MYRIP: variants seen among roughly 807,000 people sequenced by gnomAD.
MYRIP encodes myosin VIIA and Rab interacting protein.
Under a neutral mutation model 98.0 loss-of-function variants are expected in MYRIP, and 49 were observed. The ratio of observed to expected loss-of-function variants is 0.50; its 90% CI spans 0.40 to 0.63. MYRIP has a LOEUF of 0.63. MYRIP is among the 30% of genes least tolerant of loss of function. The pLI is 0.00. For synonymous variants in MYRIP, 404 were observed against 409.5 expected (o/e 0.99, Z 0.16); for missense variants, 1,004 against 1,058.2 (o/e 0.95, Z 0.71).
At chr3:40,165,979 C>T (rs1950491838) in intron 5 of MYRIP, among the ~76,000 whole-genome samples, 1 of 152,106 alleles carries the variant, frequency 6.6e-6, no homozygotes, top group African/African-American at 2.4e-5. Context: ...TATTTAACCA[C>T]TCTGTGCTTC....
chr3:39,827,492 T>C (rs1193540909), intron 1 of MYRIP, among the ~76,000 whole-genome samples: 4 of 152,220 alleles, frequency 2.6e-5, no homozygotes, highest in East Asian at 3.8e-4. Flanking sequence ...CAAATTATTA[T>C]TAATAGGTGA....
chr3:40,189,513 G>A (rs1346386093), intron 9 of MYRIP, among the ~76,000 whole-genome samples: 2 of 152,192 alleles, frequency 1.3e-5, no homozygotes, highest in African/African-American at 4.8e-5. Context: ...TCCCCTTCCA[G>A]GCAAGCCTAG....
intron 1 of MYRIP, among the ~76,000 whole-genome samples, chr3:39,849,486 C>G (rs1424557203): frequency 1.3e-5 from 2 of 152,170 alleles, no homozygotes; most frequent in Non-Finnish European, 2.9e-5. Flanking sequence ...TGATGGATGA[C>G]CTGGGGAGAC....
chr3:40,051,410 T>G (rs968758765), intron 3 of MYRIP, among the ~76,000 whole-genome samples: 1 of 152,170 alleles, frequency 6.6e-6, no homozygotes, highest in Non-Finnish European at 1.5e-5. Flanking sequence ...TGTACATTTT[T>G]GGGGCACAAT....
intron 2 of MYRIP, among the ~76,000 whole-genome samples, chr3:40,024,638 A>G (rs79494266): frequency 0.027 from 4,172 of 151,758 alleles, 121 homozygotes; most frequent in African/African-American, 0.072. Context: ...ATGCTGTGGT[A>G]TAATACGAGT....
intron 4 of MYRIP, among the ~76,000 whole-genome samples, chr3:40,159,757 A>G (rs1431949997): frequency 1.3e-5 from 2 of 151,310 alleles, no homozygotes; most frequent in Admixed American, 6.6e-5. Flanking sequence ...ATCTTCCATC[A>G]CTGATACCCT....
At chr3:39,985,003 T>G (rs550360303) in intron 2 of MYRIP, among the ~76,000 whole-genome samples, 1 of 150,574 alleles carries the variant, frequency 6.6e-6, no homozygotes, top group East Asian at 2.0e-4. Flanking sequence ...TTTCATGTGT[T>G]TTTTGGCTGC....
intron 10 of MYRIP, among the ~76,000 whole-genome samples, chr3:40,192,354 T>TCATA (rs1437789781): frequency 2.9e-5 from 1 of 34,888 alleles, no homozygotes; most frequent in African/African-American, 1.0e-4. Context: ...ATATATATAT[T>TCATA]TATATTTATT....
At chr3:40,010,661 C>T (rs1292085268) in intron 2 of MYRIP, among the ~76,000 whole-genome samples, 1 of 152,142 alleles carries the variant, frequency 6.6e-6, no homozygotes, top group African/African-American at 2.4e-5. Context: ...TTTCTACATG[C>T]TCTACTATGC....
intron 8 of MYRIP, among the ~76,000 whole-genome samples, chr3:40,177,092 C>CA (rs1410376349): frequency 6.6e-6 from 1 of 150,984 alleles, no homozygotes; most frequent in African/African-American, 2.4e-5. Context: ...AAAAAAATGT[C>CA]AGAAATACAC....
chr3:39,971,792 G>A (rs969733687), intron 2 of MYRIP, among the ~76,000 whole-genome samples: 36 of 152,112 alleles, frequency 2.4e-4, no homozygotes, highest in African/African-American at 7.9e-4. Flanking sequence ...CAAGCACTCC[G>A]TTCTGTCTTC....
chr3:40,154,398 G>C (rs976757001), intron 4 of MYRIP, among the ~76,000 whole-genome samples: 1 of 152,132 alleles, frequency 6.6e-6, no homozygotes, highest in Non-Finnish European at 1.5e-5. Flanking sequence ...TTAAGAGTTG[G>C]GGGTGATGAA....
At position 39,990,100 on chromosome 3, in the gene MYRIP, A is replaced by G. The variant is rs185472738; in HGVS notation, c.111-53950A>G. ...GCCTGTTGAGAATCTGTATGGCTTC[A>G]TTGTTGGGACCCTAGACCCCAGTGG... On this transcript the variant is annotated intron_variant, in intron 2 of 16. Coordinates refer to ENST00000302541, the MANE Select transcript of MYRIP (RefSeq NM_015460.4). Among the ~76,000 whole-genome samples the G allele has an allele frequency of 8.8e-4, 134 of 152,332 alleles. No homozygotes were observed. The Middle Eastern group carries it at 0.014, about 15-fold the overall frequency.
chr3:40,233,087 G>A (rs188910414), intron 11 of MYRIP: 1 of 152,296 alleles, frequency 6.6e-6, no homozygotes, highest in African/African-American at 2.4e-5. Context: ...ACAAGCGGGG[G>A]TGGAAGAAAG....
chr3:40,078,504 TC>T (rs1948406649), intron 3 of MYRIP, among the ~76,000 whole-genome samples: 1 of 152,244 alleles, frequency 6.6e-6, no homozygotes, highest in African/African-American at 2.4e-5. Context: ...CTTTCTCATT[TC>T]AGTTAGAGGA....
At position 40,209,993 on chromosome 3, in the gene MYRIP, G is replaced by C; in HGVS notation, c.1805G>C (p.Gly602Ala). ...MKMSEKETSS[G>A]EDQESEPKTE... ...ATGAGTGAAAAGGAGACTTCTTCAG[G>C]GGAGGATCAGGAGTCTGAGCCCAAG... Residue 602 changes from glycine to alanine, a missense_variant, in exon 11 of 17, where the codon GGG becomes GCG. Gly to Ala is a moderately conservative substitution (Grantham distance 60). Around this residue, in one of 3 missense-constraint regions of MYRIP, gnomAD observed 880 missense variants for 907.7 expected, o/e 0.97. Coordinates refer to ENST00000302541, the MANE Select transcript of MYRIP (RefSeq NM_015460.4). 1 of 1,614,056 alleles carries C rather than the reference G, an allele frequency of 6.2e-7. No homozygotes were observed. The highest frequency in any genetic ancestry group is 8.5e-7 in the Non-Finnish European group (1 of 1,179,948).
intron 3 of MYRIP, among the ~76,000 whole-genome samples, chr3:40,075,684 A>G (rs1948328634): frequency 6.6e-6 from 1 of 152,172 alleles, no homozygotes; most frequent in Non-Finnish European, 1.5e-5. Flanking sequence ...TTATTATTAA[A>G]TGGCACAAAT....
intron 1 of MYRIP, among the ~76,000 whole-genome samples, chr3:39,813,859 T>C (rs1305306542): frequency 6.6e-6 from 1 of 152,200 alleles, no homozygotes; most frequent in Non-Finnish European, 1.5e-5. Context: ...AGTTTTATTA[T>C]GTGTTTAAAA....
intron 1 of MYRIP, among the ~76,000 whole-genome samples, chr3:39,864,318 A>G (rs1942559096): frequency 6.6e-6 from 1 of 152,018 alleles, no homozygotes; most frequent in African/African-American, 2.4e-5. Flanking sequence ...GGACAAGAGG[A>G]AAAAAAATAC....
Sources: gnomAD v4.1 joint callset for allele counts (sites outside exome capture counted in the v4.1 genomes callset) on GRCh38, gnomAD v4.1.1 for gene constraint, gnomAD v4.1.1 regional missense constraint, MANE v1.5 for transcripts, NCBI Gene and HGNC (gene_info 2026-07-23, HGNC 2026-07-21) for gene names.